The following HDAC9 variants were observed in gnomAD, a reference collection of about 807,000 sequenced individuals.
HDAC9 encodes MEF-2 interacting transcription repressor (MITR) protein.
Under a neutral mutation model 139.4 loss-of-function variants are expected in HDAC9, and 41 were observed. That is an observed-to-expected ratio of 0.29 (90% CI 0.23 to 0.38). HDAC9 has a LOEUF of 0.38. Ranked by LOEUF, HDAC9 falls within the 10% of genes least tolerant of loss-of-function variation. The pLI is 1.00. For missense variants in HDAC9, 1,147 were observed against 1,297.0 expected, an observed-to-expected ratio of 0.88 and a Z score of 1.78; for synonymous variants, 517 against 476.2, an observed-to-expected ratio of 1.09 and a Z score of -1.12.
At chr7:18,594,351 G>A (rs533811114) in intron 6 of HDAC9, among the ~76,000 whole-genome samples, 3 of 151,912 alleles carry the variant, frequency 2.0e-5, no homozygotes, top group East Asian at 1.9e-4. Flanking sequence ...ATTAGATAGG[G>A]CCTCTGTAAT....
chr7:18,101,624 C>T (rs1354693005), intron 1 of HDAC9, among the ~76,000 whole-genome samples: 3 of 152,114 alleles, frequency 2.0e-5, no homozygotes, highest in African/African-American at 4.8e-5. Context: ...TCTTTCTTTT[C>T]AGCAGTTTCC....
intron 12 of HDAC9, among the ~76,000 whole-genome samples, chr7:18,669,394 T>C (rs2129082548): frequency 6.6e-6 from 1 of 151,916 alleles, no homozygotes; most frequent in East Asian, 1.9e-4. Flanking sequence ...CCTTATATGG[T>C]AACAATTATT....
At chr7:18,981,449 C>T (rs188286007) in intron 25 of HDAC9, among the ~76,000 whole-genome samples, 104 of 152,198 alleles carry the variant, frequency 6.8e-4, no homozygotes, top group African/African-American at 2.4e-3. Context: ...CAAAGTTTGT[C>T]AGTCAGAAAT....
intron 17 of HDAC9, among the ~76,000 whole-genome samples, chr7:18,799,520 C>T (rs1402971411): frequency 6.6e-6 from 1 of 152,086 alleles, no homozygotes; most frequent in Non-Finnish European, 1.5e-5. Flanking sequence ...TAAGTTAAGC[C>T]ATGTCTAAAG....
chr7:18,616,277 C>T (rs1294082898), intron 6 of HDAC9, among the ~76,000 whole-genome samples: 3 of 100,864 alleles, frequency 3.0e-5, no homozygotes, highest in Non-Finnish European at 5.4e-5. Flanking sequence ...TGGAGTGGGG[C>T]ATTATTCTGC....
At chr7:18,717,305 A>G (rs1017864892) in intron 12 of HDAC9, among the ~76,000 whole-genome samples, 4 of 152,180 alleles carry the variant, frequency 2.6e-5, no homozygotes, top group Admixed American at 2.0e-4. Flanking sequence ...CAGCAATGCT[A>G]TCCATAGCTA....
At chr7:18,402,769 G>A (rs1168168103) in intron 1 of HDAC9, among the ~76,000 whole-genome samples, 1 of 152,142 alleles carries the variant, frequency 6.6e-6, no homozygotes, top group African/African-American at 2.4e-5. Flanking sequence ...TTGAATGAAA[G>A]GTTGCTTTCA....
intron 1 of HDAC9, among the ~76,000 whole-genome samples, chr7:18,098,377 G>C (rs1782644735): frequency 1.3e-5 from 2 of 152,176 alleles, no homozygotes; most frequent in African/African-American, 4.8e-5. Flanking sequence ...GGCTATCTAT[G>C]CAAATAAGTT....
intron 17 of HDAC9, among the ~76,000 whole-genome samples, chr7:18,800,331 A>G (rs1793179132): frequency 6.6e-6 from 1 of 152,152 alleles, no homozygotes; most frequent in South Asian, 2.1e-4. Flanking sequence ...CTTCCTCACT[A>G]GATCTTGACA....
intron 1 of HDAC9, among the ~76,000 whole-genome samples, chr7:18,312,896 T>C (rs1412529168): frequency 6.6e-6 from 1 of 152,108 alleles, no homozygotes; most frequent in Admixed American, 6.6e-5. Flanking sequence ...ATTAGGGACT[T>C]TGAGGGTATA....
At chr7:18,674,538 G>GT (rs1362714024) in intron 12 of HDAC9, among the ~76,000 whole-genome samples, 2 of 151,776 alleles carry the variant, frequency 1.3e-5, no homozygotes, top group African/African-American at 4.8e-5. Context: ...TGTCTTTTTG[G>GT]TTTTTGAGGT....
At chr7:18,199,067 G>T (rs1373045589) in intron 2 of HDAC9, among the ~76,000 whole-genome samples, 1 of 151,944 alleles carries the variant, frequency 6.6e-6, no homozygotes, top group Non-Finnish European at 1.5e-5. Flanking sequence ...TGCTGATTTT[G>T]CTTTTTGTCA....
At chr7:18,676,925 T>C (rs1247483061) in intron 12 of HDAC9, among the ~76,000 whole-genome samples, 1 of 151,976 alleles carries the variant, frequency 6.6e-6, no homozygotes, top group Non-Finnish European at 1.5e-5. Context: ...AATTTTAAAA[T>C]GATATTTTTG....
At chr7:18,392,919 C>CAA (rs773532939) in intron 1 of HDAC9, among the ~76,000 whole-genome samples, 790 of 43,898 alleles carry the variant, frequency 0.018, 14 homozygotes, top group African/African-American at 0.022. Context: ...CCATGACTGG[C>CAA]AAAAAAAAAA....
intron 14 of HDAC9, among the ~76,000 whole-genome samples, chr7:18,761,722 A>G (rs1375306585): frequency 6.6e-6 from 1 of 152,186 alleles, no homozygotes; most frequent in Non-Finnish European, 1.5e-5. Flanking sequence ...CATCAAGTTC[A>G]TTAAAATGAA....
At chr7:18,631,331 C>T (rs1008330243) in intron 7 of HDAC9, among the ~76,000 whole-genome samples, 2 of 152,014 alleles carry the variant, frequency 1.3e-5, no homozygotes, top group East Asian at 1.9e-4. Flanking sequence ...AGTGGACTTA[C>T]GGATGCTTTG....
At chr7:18,726,195 A>G (rs2129127913) in intron 12 of HDAC9, among the ~76,000 whole-genome samples, 1 of 152,320 alleles carries the variant, frequency 6.6e-6, no homozygotes, top group South Asian at 2.1e-4. Flanking sequence ...AAACCACATA[A>G]TACGCAATGA....
At chr7:18,970,029 A>G (rs1784144624) in intron 24 of HDAC9, among the ~76,000 whole-genome samples, 1 of 152,208 alleles carries the variant, frequency 6.6e-6, no homozygotes, top group South Asian at 2.1e-4. Flanking sequence ...ATAGTTGTAG[A>G]GACTATTTCT....
chr7:18,625,889 G>C (rs114201391), intron 6 of HDAC9, among the ~76,000 whole-genome samples: 3,137 of 133,094 alleles, frequency 0.024, 91 homozygotes, highest in African/African-American at 0.072. Flanking sequence ...GGTTGCAGCA[G>C]TGAGCCAAGA....
Sources: allele counts gnomAD v4.1 joint callset (sites outside exome capture counted in the v4.1 genomes callset), GRCh38; gene constraint gnomAD v4.1.1; transcripts MANE v1.5; gene names NCBI Gene and HGNC (gene_info 2026-07-23, HGNC 2026-07-21).